Variants in ABL1 observed in about 807,000 individuals in gnomAD.
ABL1 encodes ABL proto-oncogene 1, non-receptor tyrosine kinase.
ABL1 carries 11 observed loss-of-function variants against 94.7 expected under a neutral mutation model. The ratio of observed to expected loss-of-function variants is 0.12; its 90% CI spans 0.07 to 0.19. The LOEUF (loss-of-function observed/expected upper bound fraction) is 0.19. Among genes scored for constraint, ABL1 ranks in the 10% least tolerant of loss-of-function variants. The pLI, the probability that ABL1 is intolerant of heterozygous loss-of-function variation, is 1.00. For missense variants in ABL1, 1,082 were observed against 1,489.4 expected (o/e 0.73, Z 4.50); for synonymous variants, 656 against 622.4 (o/e 1.05, Z -0.80).
At chr9:130,809,785 A>G (rs1183764293) in intron 1 of ABL1, among the ~76,000 whole-genome samples, 1 of 152,222 alleles carries the variant, frequency 6.6e-6, no homozygotes. Context: ...ATTTTGCCAG[A>G]CTAACGTTTG....
At chr9:130,873,132 C>A (rs925532313) in intron 6 of ABL1, 95 bp downstream of exon 6, 6 of 1,317,244 alleles carry the variant, frequency 4.6e-6, no homozygotes, top group African/African-American at 1.5e-5. Flanking sequence ...GGTCTCAGGG[C>A]GCAGCTTCTA....
chr9:130,766,412 G>A (rs1252077470), intron 1 of ABL1, among the ~76,000 whole-genome samples: 1 of 152,158 alleles, frequency 6.6e-6, no homozygotes, highest in Admixed American at 6.5e-5. Flanking sequence ...CCCCACCACT[G>A]GTGGCTTCTG....
In ABL1 at chr9:130,884,445, G is replaced by T. The variant is rs145494071; in HGVS notation, c.2155G>T (p.Ala719Ser). 1 of 1,612,600 alleles carries T rather than the reference G, an allele frequency of 6.2e-7. No homozygotes were observed. The highest frequency in any genetic ancestry group is 1.3e-5 in the African/African-American group (1 of 75,076). ...CAAGCGCTTCCTGCGCTCTTGCTCCGCCTCCTGCGTTCCCCATGGGGCCAA... is the reference window on the plus strand; with the variant it reads ...CAAGCGCTTCCTGCGCTCTTGCTCCTCCTCCTGCGTTCCCCATGGGGCCAA... The part of the protein sequence containing the change: ...SSKRFLRSCS[A>S]SCVPHGAKDT... Residue 719 changes from alanine to serine, a missense_variant, in exon 11 of 11, where the codon GCC (alanine) becomes TCC (serine). Transcript: ENST00000318560. The surrounding 1 kb of genome is among the most constrained non-coding windows in gnomAD (Gnocchi z 5.6).
intron 1 of ABL1, among the ~76,000 whole-genome samples, chr9:130,728,137 C>T (rs988538706): frequency 6.6e-6 from 1 of 151,776 alleles, no homozygotes; most frequent in Non-Finnish European, 1.5e-5. Context: ...AATCATAGCT[C>T]ACTGCAACCT....
At chr9:130,815,415 C>G (rs977150821) in intron 1 of ABL1, among the ~76,000 whole-genome samples, 1 of 152,174 alleles carries the variant, frequency 6.6e-6, no homozygotes, top group Non-Finnish European at 1.5e-5. Context: ...TTCAGTTAAA[C>G]CCAGCTTCAT....
chr9:130,721,832 T>G (rs1030765500), intron 1 of ABL1, among the ~76,000 whole-genome samples: 9 of 149,356 alleles, frequency 6.0e-5, no homozygotes, highest in African/African-American at 1.2e-4. Context: ...GTTTTTTTTT[T>G]TTTTTTTGAG....
chr9:130,762,922 A>AG (rs1470020343), intron 1 of ABL1, among the ~76,000 whole-genome samples: 6 of 151,832 alleles, frequency 4.0e-5, no homozygotes, highest in Admixed American at 2.0e-4. Context: ...AAAAAAAAAA[A>AG]AAAAGAAAAG....
chr9:130,868,111 G>A (rs1474007132), intron 4 of ABL1, among the ~76,000 whole-genome samples: 1 of 151,590 alleles, frequency 6.6e-6, no homozygotes, highest in Non-Finnish European at 1.5e-5. Flanking sequence ...AGGTGCCTGC[G>A]ACCACGCCGG....
At chr9:130,809,395 AGAGAGAGAGAGAGAGAGAGAGAGT>A (rs1830173134) in intron 1 of ABL1, among the ~76,000 whole-genome samples, 1 of 117,386 alleles carries the variant, frequency 8.5e-6, no homozygotes, top group African/African-American at 3.1e-5. Context: ...AGAGAGAGAG[AGAGAGAGAGAGAGAGAGAGAGAGT>A]GTGTGTGTGT....
intron 1 of ABL1, among the ~76,000 whole-genome samples, chr9:130,749,151 G>A (rs1423247845): frequency 6.6e-6 from 1 of 151,986 alleles, no homozygotes; most frequent in Non-Finnish European, 1.5e-5. Flanking sequence ...GTAATACATT[G>A]TGCTCAGTTC....
rs557717544 is a variant in ABL1, at chr9:130,884,090, C to T, written c.1800C>T (p.Phe600=). The T allele has an allele frequency of 6.2e-7, 1 of 1,613,900 alleles. No homozygotes were observed. The highest frequency in any genetic ancestry group is 1.1e-5 in the South Asian group (1 of 91,088). ...CCAAAGACAAAAAGACCAACTTGTT[C>T]AGCGCCTTGATCAAGAAGAAGAAGA... ...LLPKDKKTNL[F]SALIKKKKKT... is the part of the protein sequence containing the mutation. Residue 600 remains phenylalanine, a synonymous_variant, in exon 11 of 11, where the codon TTC becomes TTT. Transcript: ENST00000318560. The surrounding 1 kb of genome is among the most constrained non-coding windows in gnomAD (Gnocchi z 5.6).
chr9:130,768,420 A>G (rs956174521), intron 1 of ABL1, among the ~76,000 whole-genome samples: 15 of 152,188 alleles, frequency 9.9e-5, no homozygotes, highest in African/African-American at 3.6e-4. Flanking sequence ...CTAGCTGTGT[A>G]TCCTCAGTCT....
chr9:130,878,303 T>C, intron 7 of ABL1, 112 bp from the exon 8 acceptor site: 2 of 1,274,574 alleles, frequency 1.6e-6, no homozygotes, highest in South Asian at 2.7e-5. Flanking sequence ...GAGCCTGGGC[T>C]GCTGCTGGGG....
intron 1 of ABL1, among the ~76,000 whole-genome samples, chr9:130,786,434 A>G (rs1829827043): frequency 1.3e-5 from 2 of 152,244 alleles, no homozygotes; most frequent in Non-Finnish European, 2.9e-5. Flanking sequence ...AGATGAATAC[A>G]GAATCTCAGA....
intron 1 of ABL1, among the ~76,000 whole-genome samples, chr9:130,759,561 T>C (rs2313530): frequency 0.3 from 45,518 of 152,164 alleles, 9,391 homozygotes; most frequent in African/African-American, 0.56. Flanking sequence ...AAATGTAAAG[T>C]GAGAAATGCC....
intron 1 of ABL1, among the ~76,000 whole-genome samples, chr9:130,847,758 G>A (rs979268151): frequency 2.6e-5 from 4 of 152,138 alleles, no homozygotes; most frequent in South Asian, 2.1e-4. Context: ...GCCTTGGATC[G>A]CCTGACGTCC....
Position 130,885,556 on chromosome 9 carries a change from A to G in ABL1, c.3266A>G (p.Lys1089Arg). The G allele has an allele frequency of 6.2e-7, 1 of 1,614,092 alleles. No individual in the cohort carries two copies. Residue 1089 changes from lysine to arginine, a missense_variant, in exon 11 of 11, where the codon AAA becomes AGA. This residue lies in a region of ABL1 where 780 missense variants were observed against 835.8 expected (regional missense o/e 0.93). Transcript: ENST00000318560. ...NKFAFREAIN[K>R]LENNLRELQI... ...TTTGCCTTCCGAGAGGCCATCAACA[A>G]ACTGGAGAATAATCTCCGGGAGCTT...
intron 4 of ABL1, among the ~76,000 whole-genome samples, chr9:130,868,803 AAC>A (rs1192831349): frequency 6.6e-6 from 1 of 152,044 alleles, no homozygotes; most frequent in Non-Finnish European, 1.5e-5. Context: ...CATTTTTAAA[AAC>A]AGTGTTCTTT....
chr9:130,818,995 T>C (rs1830324543), intron 1 of ABL1, among the ~76,000 whole-genome samples: 1 of 152,174 alleles, frequency 6.6e-6, no homozygotes, highest in African/African-American at 2.4e-5. Context: ...TGCAGTTCTT[T>C]CAGTGTCTGA....
Sources: allele counts gnomAD v4.1 joint callset (sites outside exome capture counted in the v4.1 genomes callset), GRCh38; gene constraint gnomAD v4.1.1; regional missense constraint gnomAD v4.1.1; non-coding constraint Gnocchi (gnomAD v3.1); transcripts MANE v1.5; gene names NCBI Gene and HGNC (gene_info 2026-07-23, HGNC 2026-07-21).